QTGAL: variants seen among roughly 807,000 people sequenced by gnomAD.
QTGAL encodes queuosine-tRNA galactosyltransferase, also known as BGnT-like protein 1.
At chr17:83,048,442 A>T in the QTGAL span, 1 of 1,544,892 alleles carries the variant, frequency 6.5e-7, no homozygotes, top group Non-Finnish European at 9.0e-7. Flanking sequence ...CACGAATTAT[A>T]GTTTAATAAA....
At chr17:83,007,964 T>G in the QTGAL span, among the ~76,000 whole-genome samples, 1 of 151,914 alleles carries the variant, frequency 6.6e-6, no homozygotes, top group African/African-American at 2.4e-5. Context: ...TAGGAAGGCG[T>G]GGATTCCAGA....
chr17:82,961,471 C>T, the QTGAL span: 88 of 424,228 alleles, frequency 2.1e-4, no homozygotes, highest in East Asian at 3.2e-3. Context: ...AAGAGGAAGA[C>T]AGGCAGCCGA....
chr17:82,965,712 G>A, the QTGAL span: 1 of 1,612,762 alleles, frequency 6.2e-7, no homozygotes, highest in South Asian at 1.1e-5. Flanking sequence ...GAACCAGGTG[G>A]GCATGATCAC....
At chr17:82,998,287 A>C in the QTGAL span, among the ~76,000 whole-genome samples, 1 of 152,204 alleles carries the variant, frequency 6.6e-6, no homozygotes. Flanking sequence ...TAAATCTAAA[A>C]AAGCATGTCC....
chr17:83,001,350 A>C, the QTGAL span, among the ~76,000 whole-genome samples: 1,876 of 152,298 alleles, frequency 0.012, 42 homozygotes, highest in African/African-American at 0.043. Flanking sequence ...AGGAATCTGG[A>C]TATTTAAAGG....
chr17:82,966,955 G>C, the QTGAL span, among the ~76,000 whole-genome samples: 4 of 152,186 alleles, frequency 2.6e-5, no homozygotes, highest in African/African-American at 9.7e-5. Flanking sequence ...CGAACACTAA[G>C]TACCCTCAGC....
the QTGAL span, among the ~76,000 whole-genome samples, chr17:82,991,883 CA>C: frequency 1.3e-5 from 2 of 151,970 alleles, no homozygotes; most frequent in Admixed American, 6.6e-5. Context: ...TAAAAAGAAG[CA>C]GAAATTCTGG....
chr17:82,992,981 A>G, the QTGAL span, among the ~76,000 whole-genome samples: 1 of 152,218 alleles, frequency 6.6e-6, no homozygotes, highest in Non-Finnish European at 1.5e-5. Context: ...CACAAACCAT[A>G]AAAAGCAAGA....
At chr17:82,983,629 C>T in the QTGAL span, among the ~76,000 whole-genome samples, 185 of 152,342 alleles carry the variant, frequency 1.2e-3, 2 homozygotes, top group East Asian at 0.033. Flanking sequence ...AGGAACAGCT[C>T]AGCAATGGTG....
chr17:82,982,120 GCCTCC>G, the QTGAL span, among the ~76,000 whole-genome samples: 3 of 137,972 alleles, frequency 2.2e-5, no homozygotes, highest in African/African-American at 8.5e-5. Context: ...GGGTGGAGGA[GCCTCC>G]ATCCTTCTCA....
At chr17:83,048,913 C>G in the QTGAL span, 1 of 729,756 alleles carries the variant, frequency 1.4e-6, no homozygotes, top group East Asian at 2.5e-5. Context: ...CTCCTTTTCT[C>G]CAGGCTCTTA....
the QTGAL span, among the ~76,000 whole-genome samples, chr17:82,959,113 A>G: frequency 2.1e-5 from 3 of 143,548 alleles, no homozygotes; most frequent in East Asian, 2.1e-4. Flanking sequence ...GTGTGTGTGT[A>G]CACTGTGTGG....
chr17:82,942,247 G>C, the QTGAL span: 1 of 632,148 alleles, frequency 1.6e-6, no homozygotes, highest in East Asian at 2.8e-5. Context: ...CCCCAGATGG[G>C]GTGCCCTTCC....
chr17:83,025,067 C>G, the QTGAL span, among the ~76,000 whole-genome samples: 1 of 152,134 alleles, frequency 6.6e-6, no homozygotes, highest in Non-Finnish European at 1.5e-5. Context: ...GTGAACATCA[C>G]AGTAAGTGAC....
chr17:83,034,406 A>T, the QTGAL span, among the ~76,000 whole-genome samples: 7,505 of 152,310 alleles, frequency 0.049, 626 homozygotes, highest in African/African-American at 0.17. Flanking sequence ...TAACTCATTA[A>T]GTGCTACAGC....
the QTGAL span, among the ~76,000 whole-genome samples, chr17:83,008,399 G>C: frequency 6.6e-6 from 1 of 152,142 alleles, no homozygotes; most frequent in South Asian, 2.1e-4. Flanking sequence ...ATTTATACGG[G>C]GACCACCAGG....
the QTGAL span, among the ~76,000 whole-genome samples, chr17:82,962,312 G>A: frequency 3.3e-5 from 5 of 152,214 alleles, no homozygotes; most frequent in Admixed American, 1.3e-4. Context: ...CAAAAACCAC[G>A]ATGACATGGA....
the QTGAL span, among the ~76,000 whole-genome samples, chr17:82,955,699 A>G: frequency 6.6e-6 from 1 of 152,228 alleles, no homozygotes; most frequent in South Asian, 2.1e-4. Context: ...ACATGCACGC[A>G]TATGTTTACT....
chr17:83,033,612 C>T, the QTGAL span, among the ~76,000 whole-genome samples: 1 of 151,566 alleles, frequency 6.6e-6, no homozygotes, highest in Non-Finnish European at 1.5e-5. Context: ...GCTGGGACTA[C>T]AGGCGCCCAC....
Sources: gnomAD v4.1 joint callset for allele counts (sites outside exome capture counted in the v4.1 genomes callset) on GRCh38, gnomAD v4.1.1 for gene constraint, MANE v1.5 for transcripts, NCBI Gene and HGNC (gene_info 2026-07-23, HGNC 2026-07-21) for gene names.